CHODL: variants seen among roughly 807,000 people sequenced by gnomAD.
CHODL encodes chondrolectin.
In CHODL, 29 loss-of-function variants were observed where a neutral mutation model predicts 34.5. That is an observed-to-expected ratio of 0.84 (90% CI 0.63 to 1.15). The LOEUF is 1.15. CHODL is among the 50% of genes most tolerant of loss of function. The pLI is 0.00. For missense variants in CHODL, 332 were observed against 332.5 expected (o/e 1.00, Z 0.01); for synonymous variants, 125 against 116.1 (o/e 1.08, Z -0.49).
intron 2 of CHODL, among the ~76,000 whole-genome samples, chr21:18,097,017 G>T (rs1043953546): frequency 6.6e-6 from 1 of 151,972 alleles, no homozygotes; most frequent in African/African-American, 2.4e-5. Context: ...ATTGGGGGCT[G>T]GTTCCCCTGA....
chr21:18,234,499 T>G (rs1490571377), intron 2 of CHODL, among the ~76,000 whole-genome samples: 1 of 152,148 alleles, frequency 6.6e-6, no homozygotes, highest in African/African-American at 2.4e-5. Context: ...TTTGAGTGTA[T>G]GTTAAGGTCT....
chr21:17,981,363 A>G (rs1254552748), intron 1 of CHODL, among the ~76,000 whole-genome samples: 1 of 152,198 alleles, frequency 6.6e-6, no homozygotes, highest in East Asian at 1.9e-4. Context: ...GTTTCAAACA[A>G]TGTGTTGTTC....
At chr21:17,976,066 A>C (rs913822288) in intron 1 of CHODL, among the ~76,000 whole-genome samples, 1 of 152,088 alleles carries the variant, frequency 6.6e-6, no homozygotes, top group Non-Finnish European at 1.5e-5. Context: ...CTCTAAAATT[A>C]ATGGATTAAA....
intron 2 of CHODL, among the ~76,000 whole-genome samples, chr21:18,224,306 T>A (rs1323279188): frequency 1.3e-5 from 2 of 152,186 alleles, no homozygotes; most frequent in Admixed American, 6.6e-5. Flanking sequence ...TTTTCCAAGC[T>A]GGATGACACA....
At chr21:18,197,598 G>A (rs998272346) in intron 2 of CHODL, among the ~76,000 whole-genome samples, 2 of 152,186 alleles carry the variant, frequency 1.3e-5, no homozygotes, top group Admixed American at 6.6e-5. Context: ...CTGGGTGATA[G>A]AGCTAGACTC....
chr21:18,153,007 T>C, intron 2 of CHODL, among the ~76,000 whole-genome samples: 1 of 152,248 alleles, frequency 6.6e-6, no homozygotes, highest in East Asian at 1.9e-4. Flanking sequence ...TCCTCTTGAA[T>C]GCAGCAGCCT....
chr21:17,917,812 T>C (rs1165154299), intron 1 of CHODL, among the ~76,000 whole-genome samples: 3 of 152,186 alleles, frequency 2.0e-5, no homozygotes, highest in African/African-American at 7.2e-5. Flanking sequence ...TTTAGCACAC[T>C]GCATGTTTTA....
At chr21:17,949,062 C>G (rs1858352688) in intron 1 of CHODL, among the ~76,000 whole-genome samples, 1 of 152,136 alleles carries the variant, frequency 6.6e-6, no homozygotes, top group South Asian at 2.1e-4. Flanking sequence ...CAGCTGACCT[C>G]TTTTGTTTAC....
intron 2 of CHODL, among the ~76,000 whole-genome samples, chr21:18,078,189 A>G (rs2064889687): frequency 6.6e-6 from 1 of 152,166 alleles, no homozygotes; most frequent in Non-Finnish European, 1.5e-5. Context: ...TGGGTAATTT[A>G]TAAAGGAAAG....
At position 17,973,420 on chromosome 21, in the gene CHODL, T is replaced by TC. The variant is rs201770147; in HGVS notation, c.-144-54452_-144-54451insC. Among the ~76,000 whole-genome samples the TC allele has an allele frequency of 5.1e-3, 453 of 89,622 alleles. 2 individuals are homozygous for TC. The highest frequency in any genetic ancestry group is 0.03 in the African/African-American group (419 of 13,908). The allele number at this position is 89,622 out of a possible 152,430, so 58.8% of individuals were successfully genotyped here. A position where few individuals can be genotyped will look rare whatever the true frequency, so the allele number is the denominator to read the frequency against. ...TTTTCTTTTCTTTTCTTTCTTTCTTTTTTTTTTTTTTTTTTGAGACAGTCT... is the reference window on the plus strand; with the variant it reads ...TTTTCTTTTCTTTTCTTTCTTTCTTTCTTTTTTTTTTTTTTTGAGACAGTCT... On this transcript the variant is annotated intron_variant, in intron 1 of 6. Coordinates refer to the CHODL transcript ENST00000400127.
upstream of CHODL, among the ~76,000 whole-genome samples, chr21:18,240,459 T>A (rs1021331945): frequency 6.6e-6 from 1 of 152,156 alleles, no homozygotes; most frequent in Admixed American, 6.5e-5. Context: ...TTTAGATTAA[T>A]GTTTCTGCTA....
chr21:18,048,297 T>G (rs191167614), intron 2 of CHODL, among the ~76,000 whole-genome samples: 2 of 152,070 alleles, frequency 1.3e-5, no homozygotes, highest in Non-Finnish European at 2.9e-5. Context: ...TCTCTTCAAC[T>G]CTGAGACTTT....
intron 1 of CHODL, among the ~76,000 whole-genome samples, chr21:18,020,707 G>A (rs1411085831): frequency 2.0e-5 from 3 of 152,096 alleles, no homozygotes; most frequent in Non-Finnish European, 4.4e-5. Context: ...AGATGTTGAG[G>A]TCCTAACCCC....
At chr21:17,962,319 T>C (rs958148531) in intron 1 of CHODL, among the ~76,000 whole-genome samples, 1 of 152,226 alleles carries the variant, frequency 6.6e-6, no homozygotes, top group Admixed American at 6.5e-5. Flanking sequence ...TTCTCTAATA[T>C]GAAGCATTGA....
chr21:17,938,496 G>GTTTTTTTTTTTTTTTTTTTT lies in CHODL; in HGVS notation c.-145+21096_-145+21097insTTTTTTTTTTTTTTTTTTTT, dbSNP rs2063336099. Among the ~76,000 whole-genome samples the GTTTTTTTTTTTTTTTTTTTT allele has an allele frequency of 2.3e-4, 10 of 43,682 alleles. 4 individuals carry two copies. The highest frequency in any genetic ancestry group is 7.3e-4 in the African/African-American group (8 of 10,956). The allele number at this position is 43,682 out of a possible 152,430, so 28.7% of individuals were successfully genotyped here. A position where few individuals can be genotyped will look rare whatever the true frequency, so the allele number is the denominator to read the frequency against. On this transcript the variant is annotated intron_variant, in intron 1 of 6. Coordinates refer to the CHODL transcript ENST00000400127. ...TTTTTTTTTTTTTTTTTTTTTTTAA[G>GTTTTTTTTTTTTTTTTTTTT]GAAAGGGAGTCTCGCTCCATCGCCC...
At chr21:18,129,204 A>G (rs1277009284) in intron 2 of CHODL, among the ~76,000 whole-genome samples, 1 of 152,150 alleles carries the variant, frequency 6.6e-6, no homozygotes, top group Non-Finnish European at 1.5e-5. Context: ...CATACTCAGA[A>G]TAATTTTTAT....
chr21:18,187,714 T>C lies in CHODL; in HGVS notation c.-44-68795T>C, dbSNP rs185734662. Among the ~76,000 whole-genome samples the C allele has an allele frequency of 2.3e-3, 346 of 152,278 alleles. 1 individual carries two copies. The highest frequency in any genetic ancestry group is 7.0e-3 in the African/African-American group (291 of 41,568). ...TGAGATGAAATTATCTCTGTTCTATTGCAAATCTCATTCCTCTATGACTTA... is the reference window on the plus strand; with the variant it reads ...TGAGATGAAATTATCTCTGTTCTATCGCAAATCTCATTCCTCTATGACTTA... On this transcript the variant is annotated intron_variant, in intron 2 of 6. Coordinates refer to the CHODL transcript ENST00000400127.
chr21:18,122,039 T>C (rs1462943273), intron 2 of CHODL, among the ~76,000 whole-genome samples: 1 of 152,226 alleles, frequency 6.6e-6, no homozygotes, highest in African/African-American at 2.4e-5. Context: ...AAGTGAATTA[T>C]AGCCCCTAAA....
intron 1 of CHODL, among the ~76,000 whole-genome samples, chr21:17,944,584 C>T (rs1179272889): frequency 6.6e-6 from 1 of 152,202 alleles, no homozygotes; most frequent in East Asian, 1.9e-4. Context: ...GCCCAACCTG[C>T]AGCCATGCCC....
Sources: allele counts gnomAD v4.1 joint callset (sites outside exome capture counted in the v4.1 genomes callset), GRCh38; gene constraint gnomAD v4.1.1; transcripts MANE v1.5; gene names NCBI Gene and HGNC (gene_info 2026-07-23, HGNC 2026-07-21).